The following USP3 variants were observed in gnomAD, a reference collection of about 807,000 sequenced individuals.
The protein encoded by USP3 is ubiquitin specific peptidase 3, also known as ubiquitin carboxyl-terminal hydrolase 3.
A neutral mutation model predicts 72.3 loss-of-function variants in USP3; 20 were observed. The ratio of observed to expected loss-of-function variants is 0.28; its 90% confidence interval spans 0.19 to 0.40. USP3 has a LOEUF of 0.40. USP3 is among the 10% of genes least tolerant of loss of function. The probability of loss-of-function intolerance (pLI) is 1.00; values close to 1 mark genes in which losing one functional copy is unlikely to be tolerated. For synonymous variants in USP3, 222 were observed against 225.3 expected (o/e 0.99, Z 0.13); for missense variants, 479 against 633.9 (o/e 0.76, Z 2.62).
chr15:63,548,022 G>T (rs2066377908), intron 3 of USP3, among the ~76,000 whole-genome samples: 1 of 85,652 alleles, frequency 1.2e-5, no homozygotes, highest in Admixed American at 1.7e-4. Context: ...GAGGTGGGAG[G>T]ATCACTTGAG....
intron 1 of USP3, 21 bp from the exon 2 acceptor site, chr15:63,532,624 TTG>T: frequency 2.5e-6 from 4 of 1,613,396 alleles, no homozygotes; most frequent in Non-Finnish European, 3.4e-6. Flanking sequence ...AATTGGTATA[TTG>T]TGTATTTTTC....
At position 63,592,670 on chromosome 15, in the gene USP3, A is replaced by G. The variant is rs920507930; in HGVS notation, c.*1844A>G. 6.6e-6 allele frequency: 1 copy of G among 151,780 alleles called. No homozygotes were observed. The highest frequency in any genetic ancestry group is 2.4e-5 in the African/African-American group (1 of 41,316). 9.4% of individuals were successfully genotyped at this position (151,780 alleles called of 1,614,324 possible). A position where few individuals can be genotyped will look rare whatever the true frequency, so the allele number is the denominator to read the frequency against. ...AGGCTGGTCTTGCACTCCTGGGCTC[A>G]AGTGATCCACCCACCTTGGCTTCCC... On this transcript the variant is annotated 3_prime_UTR_variant, in exon 15 of 15. Coordinates refer to ENST00000380324, the MANE Select transcript of USP3 (RefSeq NM_006537.4).
At chr15:63,540,846 A>G (rs2066234686) in intron 3 of USP3, among the ~76,000 whole-genome samples, 1 of 152,238 alleles carries the variant, frequency 6.6e-6, no homozygotes, top group African/African-American at 2.4e-5. Flanking sequence ...CGATGAAAAT[A>G]AAAATCTTCC....
intron 11 of USP3, among the ~76,000 whole-genome samples, chr15:63,581,343 TTTTGTGTGTGTGTGTGTGTG>T (rs2066955458): frequency 1.5e-5 from 2 of 132,380 alleles, no homozygotes; most frequent in African/African-American, 5.7e-5. Flanking sequence ...TTGTGTTGGT[TTTTGTGTGTGTGTGTGTGTG>T]TGTGTGTGTG....
intron 2 of USP3, among the ~76,000 whole-genome samples, chr15:63,534,101 T>C (rs528747627): frequency 5.3e-5 from 8 of 152,316 alleles, no homozygotes; most frequent in Admixed American, 2.6e-4. Context: ...GAAAAATTTC[T>C]AGCCTCTGCA....
intron 1 of USP3, among the ~76,000 whole-genome samples, chr15:63,524,591 T>C (rs1008812055): frequency 6.6e-6 from 1 of 152,146 alleles, no homozygotes; most frequent in African/African-American, 2.4e-5. Context: ...GAAGACACTT[T>C]GGAGGAGGAT....
intron 3 of USP3, chr15:63,542,133 C>G: frequency 4.1e-6 from 4 of 984,888 alleles, no homozygotes; most frequent in Non-Finnish European, 4.8e-6. Context: ...ACTTGAGTAA[C>G]TTCAATAGCA....
Position 63,574,451 on chromosome 15 carries a change from A to T in USP3, c.1096+48A>T. The T allele has an allele frequency of 7.2e-7, 1 of 1,384,604 alleles. No homozygotes were observed. The highest frequency in any genetic ancestry group is 2.0e-5 in the Admixed American group (1 of 49,092). The allele number at this position is 1,384,604 out of a possible 1,614,324, so 85.8% of individuals were successfully genotyped here. On this transcript the variant is annotated intron_variant, in intron 11 of 14. Coordinates refer to ENST00000380324, the MANE Select transcript of USP3 (RefSeq NM_006537.4). The surrounding 1 kb of genome is among the most constrained non-coding windows in gnomAD (Gnocchi z 4.6). ...AAAATTTTTTTCTTTAAATAATTGA[A>T]TAGATTGATAAGCTTCATCTATATG...
rs368366161 is a variant in USP3, at chr15:63,570,513, A to C, written c.842A>C (p.Asn281Thr). 6.2e-7 allele frequency: 1 copy of C among 1,614,226 alleles called. No homozygotes were observed. Reference protein sequence around the residue: ...HLHLELQGGFNGVSRSAILQE... With the variant: ...HLHLELQGGFTGVSRSAILQE... Reference sequence around the variant, plus strand: ...CACTTGGAACTTCAGGGCGGTTTCAACGGTGTTTCCCGCTCAGCAATTCTG... The same window carrying C: ...CACTTGGAACTTCAGGGCGGTTTCACCGGTGTTTCCCGCTCAGCAATTCTG... Residue 281 changes from asparagine to threonine, a missense_variant, in exon 9 of 15, where the codon AAC becomes ACC. Coordinates refer to ENST00000380324, the MANE Select transcript of USP3 (RefSeq NM_006537.4). The surrounding 1 kb of genome is among the most constrained non-coding windows in gnomAD (Gnocchi z 4.4).
chr15:63,537,213 C>T, intron 3 of USP3, 57 bp downstream of exon 3: 1 of 1,551,380 alleles, frequency 6.4e-7, no homozygotes, highest in Admixed American at 1.9e-5. Context: ...GTGCTCTCCT[C>T]CCCTCCCTTC....
Position 63,566,970 on chromosome 15 carries a change from G to A in USP3, c.762-3463G>A, listed in dbSNP as rs562097072. ...GAACCTAAAATTCTAACATATCTTAGGTATTTTAGATTATACATATGTATA... is the reference window on the plus strand; with the variant it reads ...GAACCTAAAATTCTAACATATCTTAAGTATTTTAGATTATACATATGTATA... On this transcript the variant is annotated intron_variant, in intron 8 of 14. Transcript: ENST00000380324. Among the ~76,000 whole-genome samples the A allele has an allele frequency of 2.6e-5, 4 of 152,002 alleles. No homozygotes were observed. The East Asian group carries it at 7.7e-4, about 29-fold the overall frequency.
At chr15:63,509,070 A>C (rs2065749603) in intron 1 of USP3, among the ~76,000 whole-genome samples, 1 of 152,152 alleles carries the variant, frequency 6.6e-6, no homozygotes, top group Admixed American at 6.5e-5. Flanking sequence ...TTTGTAATGG[A>C]CTGATCAGGT....
chr15:63,587,321 T>A (rs1412802870), intron 11 of USP3, among the ~76,000 whole-genome samples: 2 of 152,026 alleles, frequency 1.3e-5, no homozygotes, highest in Non-Finnish European at 2.9e-5. Context: ...CCATAGGCAT[T>A]CATATTTTTT....
At chr15:63,533,197 C>T (rs892002305) in intron 2 of USP3, among the ~76,000 whole-genome samples, 3 of 152,062 alleles carry the variant, frequency 2.0e-5, no homozygotes, top group Non-Finnish European at 2.9e-5. Flanking sequence ...TGATATCATT[C>T]TTCTGGGAAA....
Position 63,570,409 on chromosome 15 carries a change from T to C in USP3, c.762-24T>C. ...ACAAAGAGCCCTCCACCCGGCCTTA[T>C]AAGTGACTGTTTGTTTGCTTTAGGG... On this transcript the variant is annotated intron_variant, in intron 8 of 14. Transcript: ENST00000380324. This position sits in a 1 kb window ranked among gnomAD's most constrained non-coding sequence, Gnocchi z 4.4. 6.2e-7 allele frequency: 1 copy of C among 1,613,632 alleles called. No individual in the cohort carries two copies. The highest frequency in any genetic ancestry group is 8.5e-7 in the Non-Finnish European group (1 of 1,179,988).
chr15:63,555,099 T>C (rs946242824), intron 4 of USP3, among the ~76,000 whole-genome samples: 5 of 152,220 alleles, frequency 3.3e-5, no homozygotes, highest in African/African-American at 1.2e-4. Flanking sequence ...CATGCATTTA[T>C]ACAGTTAAAA....
intron 11 of USP3, among the ~76,000 whole-genome samples, chr15:63,576,446 T>C (rs777582564): frequency 2.0e-5 from 3 of 152,234 alleles, no homozygotes; most frequent in East Asian, 1.9e-4. Context: ...GTAGTTCTTA[T>C]TGACTTTCAT....
chr15:63,565,636 G>A (rs1249562862), intron 8 of USP3, among the ~76,000 whole-genome samples: 1 of 152,118 alleles, frequency 6.6e-6, no homozygotes, highest in African/African-American at 2.4e-5. Context: ...AGACAAGTGT[G>A]TGTGTGTGTT....
chr15:63,584,164 C>G (rs1298840944), intron 11 of USP3, among the ~76,000 whole-genome samples: 11 of 132,254 alleles, frequency 8.3e-5, no homozygotes, highest in Non-Finnish European at 1.7e-4. Flanking sequence ...GTGGCATGAT[C>G]TCAGCTCGCT....
Sources: gnomAD v4.1 joint callset for allele counts (sites outside exome capture counted in the v4.1 genomes callset) on GRCh38, gnomAD v4.1.1 for gene constraint, Gnocchi (gnomAD v3.1) non-coding constraint, MANE v1.5 for transcripts, NCBI Gene and HGNC (gene_info 2026-07-23, HGNC 2026-07-21) for gene names.